Variants in HDAC9 observed in about 807,000 individuals in gnomAD.
The protein encoded by HDAC9 is MEF-2 interacting transcription repressor (MITR) protein.
Under a neutral mutation model 139.4 loss-of-function variants are expected in HDAC9, and 41 were observed. The observed-to-expected ratio is 0.29, with a 90% CI of 0.23 to 0.38. The LOEUF is 0.38. HDAC9 is among the 10% of genes least tolerant of loss of function. The pLI is 1.00. For synonymous variants in HDAC9, 517 were observed against 476.2 expected, an observed-to-expected ratio of 1.09 and a Z score of -1.12; for missense variants, 1,147 against 1,297.0, an observed-to-expected ratio of 0.88 and a Z score of 1.78.
At chr7:18,264,628 G>T (rs1456858243) in intron 2 of HDAC9, among the ~76,000 whole-genome samples, 1 of 152,130 alleles carries the variant, frequency 6.6e-6, no homozygotes, top group East Asian at 1.9e-4. Flanking sequence ...GACATTAAAA[G>T]GCTAACAATT....
At chr7:18,749,618 G>C in intron 14 of HDAC9, among the ~76,000 whole-genome samples, 1 of 152,096 alleles carries the variant, frequency 6.6e-6, no homozygotes, top group East Asian at 1.9e-4. Context: ...TTGATGAAGG[G>C]ATTTGAATAC....
chr7:18,396,389 G>A (rs1329030462), intron 1 of HDAC9, among the ~76,000 whole-genome samples: 1 of 152,070 alleles, frequency 6.6e-6, no homozygotes. Flanking sequence ...AAGGGTGGAG[G>A]GATAGTATAG....
At chr7:18,765,713 A>G (rs1008111321) in intron 15 of HDAC9, among the ~76,000 whole-genome samples, 1 of 152,234 alleles carries the variant, frequency 6.6e-6, no homozygotes. Context: ...CACAGGTGAT[A>G]TATGAATATA....
At chr7:18,296,117 G>A (rs913559928) in intron 1 of HDAC9, among the ~76,000 whole-genome samples, 4 of 152,200 alleles carry the variant, frequency 2.6e-5, no homozygotes, top group Admixed American at 6.5e-5. Context: ...AAAAAACAAC[G>A]TGAATAAATA....
chr7:18,760,883 T>G (rs1471971949), intron 14 of HDAC9, among the ~76,000 whole-genome samples: 2 of 152,218 alleles, frequency 1.3e-5, no homozygotes, highest in Non-Finnish European at 2.9e-5. Flanking sequence ...TTGAAGAGTC[T>G]GGCAGCAGCT....
upstream of HDAC9, among the ~76,000 whole-genome samples, chr7:18,289,660 C>T (rs1242060016): frequency 6.6e-6 from 1 of 151,952 alleles, no homozygotes; most frequent in African/African-American, 2.4e-5. Context: ...TCAAATGCAC[C>T]CATTTAAGTA....
At chr7:18,564,409 T>A (rs567907716) in intron 2 of HDAC9, among the ~76,000 whole-genome samples, 1 of 152,330 alleles carries the variant, frequency 6.6e-6, no homozygotes, top group South Asian at 2.1e-4. Context: ...CTTATTTCTA[T>A]TAAGCTTCCA....
At chr7:18,611,166 T>G (rs1412718500) in intron 6 of HDAC9, among the ~76,000 whole-genome samples, 1 of 152,162 alleles carries the variant, frequency 6.6e-6, no homozygotes, top group Non-Finnish European at 1.5e-5. Flanking sequence ...AAGAGCATAA[T>G]GATTTATTAC....
At chr7:18,678,774 G>T (rs1323977546) in intron 12 of HDAC9, among the ~76,000 whole-genome samples, 1 of 151,688 alleles carries the variant, frequency 6.6e-6, no homozygotes, top group African/African-American at 2.4e-5. Context: ...CTTGAATATG[G>T]TTCATATTTT....
At chr7:18,329,288 A>G (rs1455388887) in intron 1 of HDAC9, among the ~76,000 whole-genome samples, 1 of 151,748 alleles carries the variant, frequency 6.6e-6, no homozygotes, top group Non-Finnish European at 1.5e-5. Context: ...TTATATTTCA[A>G]AATTATTGGA....
At chr7:18,991,430 G>GGAA (rs952593055) in intron 25 of HDAC9, among the ~76,000 whole-genome samples, 1 of 152,172 alleles carries the variant, frequency 6.6e-6, no homozygotes, top group African/African-American at 2.4e-5. Flanking sequence ...CACGAGGTCA[G>GGAA]ATCAAGACCA....
intron 2 of HDAC9, among the ~76,000 whole-genome samples, chr7:18,238,086 C>T (rs1203997330): frequency 2.0e-5 from 3 of 152,174 alleles, no homozygotes; most frequent in Non-Finnish European, 2.9e-5. Flanking sequence ...CTTGATTGCA[C>T]ATGCTAATGA....
At chr7:18,148,560 G>A (rs1342951284) in intron 1 of HDAC9, among the ~76,000 whole-genome samples, 5 of 152,136 alleles carry the variant, frequency 3.3e-5, no homozygotes, top group Admixed American at 1.3e-4. Flanking sequence ...GGGCTCATGC[G>A]ATTCCCCCAC....
At chr7:18,238,861 G>A (rs1039094995) in intron 2 of HDAC9, among the ~76,000 whole-genome samples, 7 of 152,198 alleles carry the variant, frequency 4.6e-5, no homozygotes, top group African/African-American at 1.4e-4. Context: ...GTAGCTTCCA[G>A]ATCTATTAGG....
At chr7:18,245,691 A>G (rs900555932) in intron 2 of HDAC9, among the ~76,000 whole-genome samples, 22 of 152,156 alleles carry the variant, frequency 1.4e-4, no homozygotes, top group Admixed American at 1.0e-3. Context: ...CTCTTCATTG[A>G]AGCTAAATTT....
At chr7:18,692,532 G>A (rs1034256775) in intron 12 of HDAC9, among the ~76,000 whole-genome samples, 42 of 152,106 alleles carry the variant, frequency 2.8e-4, no homozygotes, top group African/African-American at 8.9e-4. Flanking sequence ...AAAACAAACC[G>A]TCTTTCCTTT....
chr7:18,367,969 G>C (rs918033853), intron 1 of HDAC9, among the ~76,000 whole-genome samples: 4 of 152,042 alleles, frequency 2.6e-5, no homozygotes, highest in African/African-American at 9.7e-5. Flanking sequence ...TCAACATAGT[G>C]TTTCGACTTA....
intron 1 of HDAC9, among the ~76,000 whole-genome samples, chr7:18,453,575 TGTG>T (rs1244522909): frequency 6.6e-6 from 1 of 152,180 alleles, no homozygotes; most frequent in Non-Finnish European, 1.5e-5. Flanking sequence ...CCTGGGAGGT[TGTG>T]GTGACACAAG....
intron 2 of HDAC9, among the ~76,000 whole-genome samples, chr7:18,243,287 C>G (rs1175068410): frequency 6.6e-6 from 1 of 152,212 alleles, no homozygotes; most frequent in Non-Finnish European, 1.5e-5. Flanking sequence ...CTATTCTTGA[C>G]TTCCTTTTCT....
Sources: allele counts gnomAD v4.1 joint callset (sites outside exome capture counted in the v4.1 genomes callset), GRCh38; gene constraint gnomAD v4.1.1; transcripts MANE v1.5; gene names NCBI Gene and HGNC (gene_info 2026-07-23, HGNC 2026-07-21).